The following MSL1 variants were observed in gnomAD, a reference collection of about 807,000 sequenced individuals.
MSL1 encodes the protein male-specific lethal 1 homolog.
A neutral mutation model predicts 64.6 loss-of-function variants in MSL1; 21 were observed. The ratio of observed to expected loss-of-function variants is 0.33; its 90% CI spans 0.23 to 0.47. MSL1 has a LOEUF of 0.47. MSL1 is among the 20% of genes least tolerant of loss of function. The pLI, the probability that MSL1 is intolerant of heterozygous loss-of-function variation, is 1.00. For synonymous variants in MSL1, 339 were observed against 329.6 expected (o/e 1.03, Z -0.31); for missense variants, 664 against 793.2 (o/e 0.84, Z 1.96).
chr17:40,133,743 T>C (rs1887654791), intron 7 of MSL1, 84 bp from the exon 8 acceptor site: 4 of 1,610,656 alleles, frequency 2.5e-6, no homozygotes, highest in Admixed American at 3.3e-5. Flanking sequence ...TCTGAATGAA[T>C]GAAGTGTATT....
At position 40,122,925 on chromosome 17, in the gene MSL1, C is replaced by G; in HGVS notation, c.313C>G (p.Pro105Ala). 7 of 1,516,860 alleles carry G rather than the reference C, an allele frequency of 4.6e-6. No individual in the cohort carries two copies. The highest frequency in any genetic ancestry group is 6.1e-6 in the Non-Finnish European group (7 of 1,139,566). The allele number at this position is 1,516,860 out of a possible 1,614,324, so 94.0% of individuals were successfully genotyped here. A position where few individuals can be genotyped will look rare whatever the true frequency, so the allele number is the denominator to read the frequency against. ...GGGCGGTTCGGTGCCCTTGCCCTGT[C>G]CGCCCCCGGCCACCAAGCAAGCCGG... ...SWGGSVPLPC[P>A]PPATKQAGIG... The change falls in exon 1 of 9, where the codon CCG becomes GCG. Residue 105 changes from proline to alanine, a missense_variant. Transcript: ENST00000398532. The surrounding 1 kb of genome is among the most constrained non-coding windows in gnomAD (Gnocchi z 4.2).
chr17:40,133,204 A>C, intron 6 of MSL1, 95 bp downstream of exon 6: 1 of 1,132,242 alleles, frequency 8.8e-7, no homozygotes, highest in Non-Finnish European at 1.3e-6. Context: ...TGCTGTGGAG[A>C]ATCTTGGAGT....
chr17:40,136,191 A>G lies in MSL1; in HGVS notation c.*1822A>G, dbSNP rs1216875751. 1.3e-5 allele frequency: 2 copies of G among 152,288 alleles called. No homozygotes were observed. The highest frequency in any genetic ancestry group is 6.5e-5 in the Admixed American group (1 of 15,276). 9.4% of individuals were successfully genotyped at this position (152,288 alleles called of 1,614,324 possible). A position where few individuals can be genotyped will look rare whatever the true frequency, so the allele number is the denominator to read the frequency against. Reference sequence around the variant, plus strand: ...CCCTCAGTTTCTTCTTGATTTCAGCATGTGTCGGGTTCCTAATTTTGGGTA... The same window carrying G: ...CCCTCAGTTTCTTCTTGATTTCAGCGTGTGTCGGGTTCCTAATTTTGGGTA... On this transcript the variant is annotated 3_prime_UTR_variant, in exon 9 of 9. Coordinates refer to ENST00000398532, the MANE Select transcript of MSL1 (RefSeq NM_001365919.1).
intron 1 of MSL1, among the ~76,000 whole-genome samples, chr17:40,125,251 T>A (rs1988287334): frequency 6.6e-6 from 1 of 152,228 alleles, no homozygotes; most frequent in Non-Finnish European, 1.5e-5. Context: ...TAGGTATAAT[T>A]TTTTGTGTTA....
At position 40,122,821 on chromosome 17, in the gene MSL1, C is replaced by T. The variant is rs1988215441; in HGVS notation, c.209C>T (p.Ser70Phe). The change falls in exon 1 of 9, where the codon TCC (serine) becomes TTC (phenylalanine). Residue 70 changes from serine (S) to phenylalanine (F), a missense_variant. Coordinates refer to ENST00000398532, the MANE Select transcript of MSL1 (RefSeq NM_001365919.1). This position sits in a 1 kb window ranked among gnomAD's most constrained non-coding sequence, Gnocchi z 4.2. ...TCCCAGGGCGGGAGCCCCGCGCCTT[C>T]CCCGGCCGGCTGCGGCGGCAAGGGC... is the stretch of plus-strand genomic sequence containing the variant. ...ASSQGGSPAP[S>F]PAGCGGKGRG... 3 of 1,369,844 alleles carry T rather than the reference C, an allele frequency of 2.2e-6. No homozygotes were observed. The highest frequency in any genetic ancestry group is 2.8e-6 in the Non-Finnish European group (3 of 1,070,224). The allele number at this position is 1,369,844 out of a possible 1,614,324, so 84.9% of individuals were successfully genotyped here.
chr17:40,133,941 C>A, intron 8 of MSL1, 42 bp downstream of exon 8: 1 of 1,533,084 alleles, frequency 6.5e-7, no homozygotes, highest in Non-Finnish European at 9.0e-7. Flanking sequence ...GTAACCTGCA[C>A]ATCCTTTTCA....
chr17:40,128,077 G>A (rs1002000491), intron 2 of MSL1, among the ~76,000 whole-genome samples: 10 of 152,016 alleles, frequency 6.6e-5, no homozygotes, highest in African/African-American at 2.2e-4. Flanking sequence ...AGCAGAGATC[G>A]CACCACTGCA....
In MSL1 at chr17:40,122,534, CTCA is replaced by C; in HGVS notation, c.-78_-76del. 1.1e-6 allele frequency: 1 copy of C among 947,812 alleles called. No individual in the cohort carries two copies. The highest frequency in any genetic ancestry group is 1.4e-6 in the Non-Finnish European group (1 of 697,932). The allele number at this position is 947,812 out of a possible 1,614,324, so 58.7% of individuals were successfully genotyped here. ...AGCCCGCCAAACTCCCCTCCCCCCC[CTCA>C]GTCCTCGACCCCCCGCACCTCGCCC... On this transcript the variant is annotated 5_prime_UTR_variant, in exon 1 of 9. Transcript: ENST00000398532. This position sits in a 1 kb window ranked among gnomAD's most constrained non-coding sequence, Gnocchi z 4.2.
rs990982308 is a variant in MSL1 at position 40,122,016 on chromosome 17, C to T, written c.-597C>T. ...CGGCTGCGGCGGTGGCGGCTACGAG[C>T]GGCTCCGTTTTTTTAAAGGGAAACG... On this transcript the variant is annotated 5_prime_UTR_variant, in exon 1 of 9. Transcript: ENST00000398532. This position sits in a 1 kb window ranked among gnomAD's most constrained non-coding sequence, Gnocchi z 4.2. Among the ~76,000 whole-genome samples, 131 of 151,448 alleles carry T rather than the reference C, an allele frequency of 8.6e-4. 1 individual carries two copies. Among genetic ancestry groups the T allele is most frequent in the African/African-American group, 2.1e-3 (85 of 41,256 alleles).
At chr17:40,128,390 T>TTTTTTC (rs1567669317) in intron 2 of MSL1, among the ~76,000 whole-genome samples, 4 of 144,318 alleles carry the variant, frequency 2.8e-5, no homozygotes, top group African/African-American at 1.1e-4. Context: ...TTTTTTTTTT[T>TTTTTTC]CTGAGACAGA....
rs1451388667 is a variant in MSL1 at position 40,136,024 on chromosome 17, C to A, written c.*1655C>A. 6.6e-6 allele frequency: 1 copy of A among 152,266 alleles called. No homozygotes were observed. The highest frequency in any genetic ancestry group is 2.4e-5 in the African/African-American group (1 of 41,424). 9.4% of individuals were successfully genotyped at this position (152,266 alleles called of 1,614,324 possible). A position where few individuals can be genotyped will look rare whatever the true frequency, so the allele number is the denominator to read the frequency against. On this transcript the variant is annotated 3_prime_UTR_variant, in exon 9 of 9. Transcript: ENST00000398532. ...CTTAAGGAGGAGATTTCTAGAAAAA[C>A]TGGGCCAGATTTTCTTTGTTCTCCA...
In MSL1 at chr17:40,131,688, G is replaced by T; in HGVS notation, c.1423+104G>T. 9.5e-7 allele frequency: 1 copy of T among 1,054,450 alleles called. No homozygotes were observed. The highest frequency in any genetic ancestry group is 1.5e-6 in the Non-Finnish European group (1 of 672,450). The allele number at this position is 1,054,450 out of a possible 1,614,324, so 65.3% of individuals were successfully genotyped here. A position where few individuals can be genotyped will look rare whatever the true frequency, so the allele number is the denominator to read the frequency against. On this transcript the variant is annotated intron_variant, in intron 4 of 8. Coordinates refer to ENST00000398532, the MANE Select transcript of MSL1 (RefSeq NM_001365919.1). The surrounding 1 kb of genome is among the most constrained non-coding windows in gnomAD (Gnocchi z 4.5). ...CCATCCACTGGATGTGGGAGACTGAGATTTCTTGGTGTATGATTGATTACA... is the reference window on the plus strand; with the variant it reads ...CCATCCACTGGATGTGGGAGACTGATATTTCTTGGTGTATGATTGATTACA...
intron 5 of MSL1, among the ~76,000 whole-genome samples, chr17:40,132,749 C>A (rs919482196): frequency 6.6e-6 from 1 of 152,024 alleles, no homozygotes; most frequent in Non-Finnish European, 1.5e-5. Context: ...AGTATGGAGG[C>A]AGGGAGGGTT....
chr17:40,134,566 G>T lies in MSL1; in HGVS notation c.*197G>T, dbSNP rs1358154509. On this transcript the variant is annotated 3_prime_UTR_variant, in exon 9 of 9. Transcript: ENST00000398532. ...TTCGGCTAATTGTGAGTTATGGAGG[G>T]TGATTGGGATTTCTTTTCCCTTTTT... The T allele has an allele frequency of 1.8e-5, 10 of 566,206 alleles. No individual in the cohort carries two copies. Among genetic ancestry groups the T allele is most frequent in the Non-Finnish European group, 3.1e-5 (10 of 319,252 alleles). 35.1% of individuals were successfully genotyped at this position (566,206 alleles called of 1,614,324 possible). A position where few individuals can be genotyped will look rare whatever the true frequency, so the allele number is the denominator to read the frequency against.
intron 5 of MSL1, among the ~76,000 whole-genome samples, chr17:40,132,484 A>C (rs1465541070): frequency 1.3e-5 from 2 of 152,046 alleles, no homozygotes; most frequent in Non-Finnish European, 2.9e-5. Flanking sequence ...CTAAAAATAC[A>C]AAAATTAGCC....
At chr17:40,129,751 T>A in intron 3 of MSL1, 124 bp downstream of exon 3, 3 of 1,051,450 alleles carry the variant, frequency 2.9e-6, no homozygotes, top group Non-Finnish European at 4.0e-6. Flanking sequence ...CAAGAATGAG[T>A]AAGTTAACAG....
Position 40,134,862 on chromosome 17 carries a change from G to A in MSL1, c.*493G>A. On this transcript the variant is annotated 3_prime_UTR_variant, in exon 9 of 9. Coordinates refer to ENST00000398532, the MANE Select transcript of MSL1 (RefSeq NM_001365919.1). ...TTTAGGACCAGAAGAGGAATGACAA[G>A]TGAAGCGATGAAGCAAGCCATCTTC... is the stretch of plus-strand genomic sequence containing the variant. 1 of 153,950 alleles carries A rather than the reference G, an allele frequency of 6.5e-6. No homozygotes were observed. The highest frequency in any genetic ancestry group is 1.4e-5 in the Non-Finnish European group (1 of 69,012). The allele number at this position is 153,950 out of a possible 1,614,324, so 9.5% of individuals were successfully genotyped here.
At position 40,133,562 on chromosome 17, in the gene MSL1, A is replaced by C. The variant is rs1180936895; in HGVS notation, c.1585A>C (p.Arg529=). Residue 529 remains arginine, a synonymous_variant, in exon 7 of 9, where the codon AGA becomes CGA. Coordinates refer to ENST00000398532, the MANE Select transcript of MSL1 (RefSeq NM_001365919.1). ...GGATATTCAGAGGATCAGGGAACAA[A>C]GAATTTTACAGCGACTGCAGCTCAG... ...RWDIQRIREQ[R]ILQRLQLRMY... 1.2e-6 allele frequency: 2 copies of C among 1,611,848 alleles called. No homozygotes were observed. The highest frequency in any genetic ancestry group is 1.7e-6 in the Non-Finnish European group (2 of 1,178,878).
At position 40,128,369 on chromosome 17, in the gene MSL1, C is replaced by CTTTTTTTT. The variant is rs145183199; in HGVS notation, c.993-862_993-855dup. Among the ~76,000 whole-genome samples, 34 of 112,690 alleles carry CTTTTTTTT rather than the reference C, an allele frequency of 3.0e-4. 2 individuals are homozygous for CTTTTTTTT. Among genetic ancestry groups the CTTTTTTTT allele is most frequent in the Admixed American group, 8.9e-4 (10 of 11,240 alleles). 73.9% of individuals were successfully genotyped at this position (112,690 alleles called of 152,430 possible). On this transcript the variant is annotated intron_variant, in intron 2 of 8. Transcript: ENST00000398532. ...TGTTGGCTAAAGGACCTTGAATATT[C>CTTTTTTTT]TTTTTTTTTTTTTTTTTTTTTCTGA... is the stretch of plus-strand genomic sequence containing the variant.
Sources: allele counts gnomAD v4.1 joint callset (sites outside exome capture counted in the v4.1 genomes callset), GRCh38; gene constraint gnomAD v4.1.1; non-coding constraint Gnocchi (gnomAD v3.1); transcripts MANE v1.5; gene names NCBI Gene and HGNC (gene_info 2026-07-23, HGNC 2026-07-21).